CEP112: variants seen among roughly 807,000 people sequenced by gnomAD.
CEP112 encodes the protein centrosomal protein of 112 kDa.
In CEP112, 127 loss-of-function variants were observed where a neutral mutation model predicts 153.0. That is an observed-to-expected ratio of 0.83 (90% CI 0.72 to 0.96). The LOEUF (loss-of-function observed/expected upper bound fraction) is 0.96, where lower values mean the gene tolerates loss of function less well. CEP112 is among the 40% of genes least tolerant of loss of function. The pLI is 0.00. For synonymous variants in CEP112, 358 were observed against 374.4 expected, an observed-to-expected ratio of 0.96 and a Z score of 0.51; for missense variants, 1,089 against 1,101.2, an observed-to-expected ratio of 0.99 and a Z score of 0.16.
At chr17:65,969,622 G>T (rs2062568560) in intron 17 of CEP112, among the ~76,000 whole-genome samples, 1 of 152,160 alleles carries the variant, frequency 6.6e-6, no homozygotes, top group African/African-American at 2.4e-5. Flanking sequence ...TGTGCCGCAT[G>T]CACTGCACAC....
intron 11 of CEP112, among the ~76,000 whole-genome samples, chr17:66,056,304 T>C (rs1242943763): frequency 6.6e-6 from 1 of 152,158 alleles, no homozygotes; most frequent in African/African-American, 2.4e-5. Context: ...CACAGGTCAA[T>C]AGCGCAGCCA....
At chr17:65,900,534 C>G (rs2059808520) in intron 20 of CEP112, among the ~76,000 whole-genome samples, 1 of 152,106 alleles carries the variant, frequency 6.6e-6, no homozygotes, top group South Asian at 2.1e-4. Flanking sequence ...AAGGTTCCCT[C>G]TAAATTTGGC....
Position 65,743,347 on chromosome 17 carries a change from C to A in CEP112, c.2458-130G>T, listed in dbSNP as rs149004024. On this transcript the variant is annotated intron_variant, in intron 22 of 26. Transcript: ENST00000535342. The stretch of plus-strand genomic sequence containing the variant: ...CCACAAATTAAATATTTTCAATTAA[C>A]ATATCACACACTATAATGCATGAAA... 212 of 664,522 alleles carry A rather than the reference C, an allele frequency of 3.2e-4. 1 individual carries two copies. In the African/African-American group the frequency reaches 3.4e-3, roughly 11 times the overall value. 41.2% of individuals were successfully genotyped at this position (664,522 alleles called of 1,614,324 possible).
intron 8 of CEP112, among the ~76,000 whole-genome samples, chr17:66,073,096 T>A (rs1186609864): frequency 6.6e-6 from 1 of 152,180 alleles, no homozygotes; most frequent in East Asian, 1.9e-4. Flanking sequence ...ATATACATTA[T>A]CAATTTCAAA....
At chr17:65,969,839 T>G (rs940057502) in intron 17 of CEP112, among the ~76,000 whole-genome samples, 7 of 145,074 alleles carry the variant, frequency 4.8e-5, no homozygotes, top group African/African-American at 1.7e-4. Flanking sequence ...AAGCATATCA[T>G]CTATATATAG....
intron 24 of CEP112, among the ~76,000 whole-genome samples, chr17:65,665,879 G>T (rs1438425215): frequency 6.6e-6 from 1 of 152,164 alleles, no homozygotes; most frequent in Non-Finnish European, 1.5e-5. Flanking sequence ...CCCCCAGCAA[G>T]GTAGTAAGGG....
chr17:66,130,896 A>T (rs1442602924), intron 5 of CEP112, among the ~76,000 whole-genome samples: 1 of 152,144 alleles, frequency 6.6e-6, no homozygotes, highest in East Asian at 1.9e-4. Flanking sequence ...GCCCCAGATG[A>T]AAACTATAAT....
Position 65,804,039 on chromosome 17 carries a change from T to C in CEP112, c.2394+47765A>G, listed in dbSNP as rs2055438678. 2.0e-5 allele frequency among the ~76,000 whole-genome samples: 3 copies of C among 152,322 alleles called. No homozygotes were observed. In the South Asian group the frequency reaches 6.2e-4, roughly 32 times the overall value. On this transcript the variant is annotated intron_variant, in intron 21 of 26. Coordinates refer to ENST00000535342, the MANE Select transcript of CEP112 (RefSeq NM_001199165.4). ...TACATTTCTTTAGAACAGATCCTTA[T>C]TTAACATAGATAAAAGAAACAACAT...
chr17:66,176,907 G>A lies in CEP112; in HGVS notation c.220C>T (p.Leu74Phe), dbSNP rs771352042. The A allele has an allele frequency of 1.4e-5, 23 of 1,613,844 alleles. No homozygotes were observed. Among genetic ancestry groups the A allele is most frequent in the Non-Finnish European group, 1.8e-5 (21 of 1,179,888 alleles). Residue 74 changes from leucine (L) to phenylalanine (F), a missense_variant, in exon 3 of 27, where the codon CTT becomes TTT. Leu to Phe is a conservative substitution (Grantham distance 22). Coordinates refer to ENST00000535342, the MANE Select transcript of CEP112 (RefSeq NM_001199165.4). ...GGGCCTTCAAGCGCACCTCGTTTAA[G>A]CATATGCAATAACAATTTTGCATAC... is the stretch of plus-strand genomic sequence containing the variant. ...NLYAKLLLHM[L>F]KRGALEGPFT...
chr17:65,744,447 A>G (rs2051323049), intron 22 of CEP112, among the ~76,000 whole-genome samples: 2 of 151,862 alleles, frequency 1.3e-5, no homozygotes, highest in Non-Finnish European at 1.5e-5. Context: ...GAGTTTCACC[A>G]TATTGGCCAG....
At chr17:66,005,598 TA>T in intron 17 of CEP112, 91 bp downstream of exon 17, 1 of 1,421,192 alleles carries the variant, frequency 7.0e-7, no homozygotes. Flanking sequence ...AAAGCTCTTA[TA>T]AAAATATAGT....
At chr17:65,929,179 T>G (rs375768275) in intron 18 of CEP112, among the ~76,000 whole-genome samples, 3 of 152,192 alleles carry the variant, frequency 2.0e-5, no homozygotes, top group Admixed American at 6.5e-5. Context: ...ATTGTACACA[T>G]ACGAGTGAAT....
intron 23 of CEP112, among the ~76,000 whole-genome samples, chr17:65,711,403 C>A (rs998597797): frequency 3.9e-5 from 6 of 152,156 alleles, no homozygotes; most frequent in Admixed American, 2.6e-4. Flanking sequence ...CAGTACCTAT[C>A]TCATATGGTG....
intron 4 of CEP112, among the ~76,000 whole-genome samples, chr17:66,156,766 C>T (rs1210770654): frequency 1.3e-5 from 2 of 151,588 alleles, no homozygotes; most frequent in Non-Finnish European, 2.9e-5. Context: ...ATTGATCAAG[C>T]GGAAGAAAGG....
At chr17:66,096,426 A>T in intron 7 of CEP112, 98 bp from the exon 8 acceptor site, 1 of 1,225,084 alleles carries the variant, frequency 8.2e-7, no homozygotes, top group Non-Finnish European at 1.2e-6. Flanking sequence ...GTACCAAAAT[A>T]GTACTAACAC....
chr17:65,779,193 C>T (rs10083837), intron 21 of CEP112, among the ~76,000 whole-genome samples: 1 of 151,966 alleles, frequency 6.6e-6, no homozygotes, highest in Admixed American at 6.6e-5. Flanking sequence ...AAACATTGTA[C>T]TAAACAATAA....
At chr17:65,850,326 G>A (rs187159674) in intron 21 of CEP112, among the ~76,000 whole-genome samples, 4 of 151,820 alleles carry the variant, frequency 2.6e-5, no homozygotes, top group East Asian at 1.9e-4. Context: ...TCTTCCTTTC[G>A]GCAAAGAGGA....
intron 24 of CEP112, chr17:65,655,522 G>A: frequency 1.8e-6 from 1 of 559,516 alleles, no homozygotes; most frequent in South Asian, 2.4e-5. Context: ...TGTAAAATTG[G>A]GTTGAGAGGA....
intron 17 of CEP112, among the ~76,000 whole-genome samples, chr17:65,970,267 A>G (rs1356055101): frequency 1.3e-5 from 2 of 152,040 alleles, no homozygotes; most frequent in Admixed American, 6.5e-5. Flanking sequence ...CACACATATT[A>G]CATGCATGTA....
Sources: allele counts gnomAD v4.1 joint callset (sites outside exome capture counted in the v4.1 genomes callset), GRCh38; gene constraint gnomAD v4.1.1; transcripts MANE v1.5; gene names NCBI Gene and HGNC (gene_info 2026-07-23, HGNC 2026-07-21).